Variants in PPP1R7 observed in about 807,000 individuals in gnomAD.
PPP1R7 encodes protein phosphatase 1 regulatory subunit 22.
PPP1R7 carries 18 observed loss-of-function variants against 45.2 expected under a neutral mutation model. The observed-to-expected ratio is 0.40, with a 90% CI of 0.28 to 0.59. The LOEUF is 0.59. PPP1R7 is among the 20% of genes least tolerant of loss of function. The probability of loss-of-function intolerance (pLI) is 0.46; values close to 1 mark genes in which losing one functional copy is unlikely to be tolerated. For missense variants in PPP1R7, 314 were observed against 455.8 expected (o/e 0.69, Z 2.83); for synonymous variants, 181 against 183.4 (o/e 0.99, Z 0.11).
At chr2:241,168,320 T>C (rs1348140542) in intron 8 of PPP1R7, among the ~76,000 whole-genome samples, 1 of 152,162 alleles carries the variant, frequency 6.6e-6, no homozygotes, top group African/African-American at 2.4e-5. Context: ...TGAGCCTTGG[T>C]GCTTGGACCT....
chr2:241,169,704 TTGACAC>T, intron 8 of PPP1R7, 71 bp from the exon 9 acceptor site: 1 of 1,260,040 alleles, frequency 7.9e-7, no homozygotes. Flanking sequence ...AGGTCAGCAC[TTGACAC>T]TGCCTGCGTG....
In PPP1R7 at chr2:241,183,472, G is replaced by C; in HGVS notation, c.*649G>C. ...CCCTTGCCTGTGGGTGAAAGCTCAGGTGTGGGGAGGGTGTCCTGTGTCCCA... is the reference window on the plus strand; with the variant it reads ...CCCTTGCCTGTGGGTGAAAGCTCAGCTGTGGGGAGGGTGTCCTGTGTCCCA... On this transcript the variant is annotated 3_prime_UTR_variant, in exon 10 of 10. Coordinates refer to ENST00000234038, the MANE Select transcript of PPP1R7 (RefSeq NM_002712.3). The C allele has an allele frequency of 4.2e-6, 2 of 471,108 alleles. No homozygotes were observed. Among genetic ancestry groups the C allele is most frequent in the Non-Finnish European group, 8.8e-6 (2 of 227,032 alleles). 29.2% of individuals were successfully genotyped at this position (471,108 alleles called of 1,614,324 possible).
chr2:241,180,755 G>A (rs4675828), intron 9 of PPP1R7, among the ~76,000 whole-genome samples: 82,561 of 150,476 alleles, frequency 0.55, 23,674 homozygotes, highest in East Asian at 0.89. Flanking sequence ...TGGAGGCACT[G>A]GTCGGGACAG....
At chr2:241,166,115 G>T (rs1044548874) in intron 7 of PPP1R7, among the ~76,000 whole-genome samples, 1 of 142,548 alleles carries the variant, frequency 7.0e-6, no homozygotes, top group African/African-American at 2.5e-5. Flanking sequence ...CGTTAGCCAG[G>T]ATGGTCTCGA....
intron 2 of PPP1R7, among the ~76,000 whole-genome samples, chr2:241,156,452 C>T (rs1201563312): frequency 6.6e-6 from 1 of 152,184 alleles, no homozygotes; most frequent in African/African-American, 2.4e-5. Flanking sequence ...GGGAGGATCA[C>T]TTGAGGCTAG....
intron 1 of PPP1R7, 150 bp from the exon 2 acceptor site, chr2:241,153,326 G>T (rs2067364901): frequency 9.4e-7 from 1 of 1,062,484 alleles, no homozygotes; most frequent in Non-Finnish European, 1.4e-6. Context: ...AAATGGTGCT[G>T]GGACATGGGA....
chr2:241,154,409 C>T (rs2067399245), intron 2 of PPP1R7, among the ~76,000 whole-genome samples: 1 of 151,980 alleles, frequency 6.6e-6, no homozygotes, highest in African/African-American at 2.4e-5. Context: ...TAGATGTGGC[C>T]GGGCGTAATG....
intron 9 of PPP1R7, among the ~76,000 whole-genome samples, chr2:241,181,521 C>T (rs984502075): frequency 2.6e-5 from 4 of 152,044 alleles, no homozygotes; most frequent in Admixed American, 1.3e-4. Flanking sequence ...AGATCAACAT[C>T]TCTGGCAGCT....
At chr2:241,160,547 T>A (rs2125489380) in intron 6 of PPP1R7, 53 bp downstream of exon 6, 2 of 1,476,792 alleles carry the variant, frequency 1.4e-6, no homozygotes, top group East Asian at 4.8e-5. Flanking sequence ...GCTAGCGGGC[T>A]GTGTGTGGAC....
intron 3 of PPP1R7, among the ~76,000 whole-genome samples, chr2:241,158,201 G>A (rs1405042959): frequency 6.6e-6 from 1 of 152,182 alleles, no homozygotes. Context: ...GGGATGGGGT[G>A]CATATCCTCA....
intron 9 of PPP1R7, among the ~76,000 whole-genome samples, chr2:241,182,007 A>C (rs1220310054): frequency 1.3e-5 from 2 of 152,024 alleles, no homozygotes; most frequent in Non-Finnish European, 2.9e-5. Flanking sequence ...TGTCTCAAAA[A>C]AAAAAAAAAT....
In PPP1R7 at chr2:241,183,351, C is replaced by T. The variant is rs2068042238; in HGVS notation, c.*528C>T. 2.2e-6 allele frequency: 1 copy of T among 463,530 alleles called. No individual in the cohort carries two copies. The highest frequency in any genetic ancestry group is 2.0e-5 in the African/African-American group (1 of 49,696). The allele number at this position is 463,530 out of a possible 1,614,324, so 28.7% of individuals were successfully genotyped here. A position where few individuals can be genotyped will look rare whatever the true frequency, so the allele number is the denominator to read the frequency against. On this transcript the variant is annotated 3_prime_UTR_variant, in exon 10 of 10. Transcript: ENST00000234038. ...GTTAAAAAAGCTGGGTAAAAGCTGA[C>T]TCAGCCCTGTGTGCTTGTGTTCCTT...
At position 241,152,171 on chromosome 2, in the gene PPP1R7, C is replaced by T. The variant is rs570843005; in HGVS notation, c.53-1305C>T. ...ATGCACGTGCTAACTGCTCTTGTGC[C>T]TTTTCTAATTTAACCGTGACAGCAA... On this transcript the variant is annotated intron_variant, in intron 1 of 9. Transcript: ENST00000234038. 4.6e-5 allele frequency among the ~76,000 whole-genome samples: 7 copies of T among 152,302 alleles called. No individual in the cohort carries two copies. In the South Asian group the frequency reaches 1.2e-3, roughly 27 times the overall value.
rs140787173 is a variant in PPP1R7 at position 241,160,458 on chromosome 2, A to T, written c.561A>T (p.Gln187His). 5 of 1,611,220 alleles carry T rather than the reference A, an allele frequency of 3.1e-6. No homozygotes were observed. The African/African-American group carries it at 6.7e-5, about 22-fold the overall frequency. Reference protein sequence around the residue: ...SKIENLSNLHQLQMLELGSNR... With the variant: ...SKIENLSNLHHLQMLELGSNR... ...TTGAGAACTTAAGCAACTTACATCA[A>T]CTACAGATGCTAGAGCTGGGATCTA... Residue 187 changes from glutamine (Q) to histidine (H), a missense_variant, in exon 6 of 10, where the codon CAA becomes CAT. Gln to His is a conservative substitution (Grantham distance 24). Around this residue, in one of 3 missense-constraint regions of PPP1R7, gnomAD observed 168 missense variants for 285.3 expected, o/e 0.59. Transcript: ENST00000234038.
chr2:241,166,197 C>T (rs766619006), intron 7 of PPP1R7, 140 bp from the exon 8 acceptor site: 12 of 670,436 alleles, frequency 1.8e-5, no homozygotes, highest in Admixed American at 5.3e-5. Flanking sequence ...CCACCGCGCC[C>T]GGCCCCATTC....
Position 241,178,458 on chromosome 2 carries a change from CT to C in PPP1R7, c.907-4173del, listed in dbSNP as rs71049557. Among the ~76,000 whole-genome samples, 159 of 124,580 alleles carry C rather than the reference CT, an allele frequency of 1.3e-3. No homozygotes were observed. The East Asian group carries it at 0.014, about 11-fold the overall frequency. The allele number at this position is 124,580 out of a possible 152,430, so 81.7% of individuals were successfully genotyped here. A position where few individuals can be genotyped will look rare whatever the true frequency, so the allele number is the denominator to read the frequency against. ...ACTTTACTTTGTCACTGGTCTTCAG[CT>C]TTTTTTTTTTTTTTTGAGACAGAGT... On this transcript the variant is annotated intron_variant, in intron 9 of 9. Transcript: ENST00000234038.
intron 2 of PPP1R7, among the ~76,000 whole-genome samples, chr2:241,156,927 CTG>C (rs1236319286): frequency 1.3e-5 from 2 of 151,854 alleles, no homozygotes; most frequent in African/African-American, 4.8e-5. Flanking sequence ...ATGCGTGTGT[CTG>C]TGTAGTGTGC....
chr2:241,156,477 C>T (rs769159608), intron 2 of PPP1R7, among the ~76,000 whole-genome samples: 8 of 152,140 alleles, frequency 5.3e-5, no homozygotes, highest in Non-Finnish European at 1.2e-4. Flanking sequence ...TCCAGACCAG[C>T]CTGGGCAACA....
At chr2:241,172,490 C>T (rs1005313853) in intron 9 of PPP1R7, among the ~76,000 whole-genome samples, 1 of 151,948 alleles carries the variant, frequency 6.6e-6, no homozygotes, top group African/African-American at 2.4e-5. Flanking sequence ...ACTAAAAATG[C>T]AAAACTTAGC....
Sources: gnomAD v4.1 joint callset for allele counts (sites outside exome capture counted in the v4.1 genomes callset) on GRCh38, gnomAD v4.1.1 for gene constraint, gnomAD v4.1.1 regional missense constraint, MANE v1.5 for transcripts, NCBI Gene and HGNC (gene_info 2026-07-23, HGNC 2026-07-21) for gene names.